Variants in SLC35F4 observed in about 807,000 individuals in gnomAD.
SLC35F4 encodes solute carrier family 35 member F4, also known as chromosome 14 open reading frame 36.
SLC35F4 carries 24 observed loss-of-function variants against 44.2 expected under a neutral mutation model. That is an observed-to-expected ratio of 0.54 (90% CI 0.39 to 0.76). The LOEUF is 0.76. Among genes scored for constraint, SLC35F4 ranks in the 30% least tolerant of loss-of-function variants. The pLI is 0.00. For synonymous variants in SLC35F4, 238 were observed against 223.6 expected, an observed-to-expected ratio of 1.06 and a Z score of -0.57; for missense variants, 562 against 586.1, an observed-to-expected ratio of 0.96 and a Z score of 0.42.
chr14:57,707,897 GAACT>G (rs2075718130), intron 1 of SLC35F4, among the ~76,000 whole-genome samples: 1 of 152,128 alleles, frequency 6.6e-6, no homozygotes, highest in Non-Finnish European at 1.5e-5. Flanking sequence ...GGTGTAGGCC[GAACT>G]AACTTTAGGT....
In SLC35F4 at chr14:57,859,796, C is replaced by T. The variant is rs556061722; in HGVS notation, c.103+5927G>A. Reference sequence around the variant, plus strand: ...CAGGATTCATTAACTGATTATAGGGCAAGGGGAAAGGGCAGAAGCTGAGGA... The same window carrying T: ...CAGGATTCATTAACTGATTATAGGGTAAGGGGAAAGGGCAGAAGCTGAGGA... On this transcript the variant is annotated intron_variant, in intron 1 of 7. Coordinates refer to ENST00000556826, the MANE Select transcript of SLC35F4 (RefSeq NM_001306087.2). Among the ~76,000 whole-genome samples, 3 of 152,120 alleles carry T rather than the reference C, an allele frequency of 2.0e-5. No homozygotes were observed. In the South Asian group the frequency reaches 6.2e-4, roughly 32 times the overall value.
intron 1 of SLC35F4, among the ~76,000 whole-genome samples, chr14:57,648,078 AT>A (rs2073620072): frequency 6.6e-6 from 1 of 152,168 alleles, no homozygotes. Context: ...TCTAGCTCTG[AT>A]TTTACTGTGA....
chr14:57,677,391 C>T (rs1290858704), intron 1 of SLC35F4, among the ~76,000 whole-genome samples: 1 of 149,534 alleles, frequency 6.7e-6, no homozygotes, highest in Admixed American at 6.7e-5. Flanking sequence ...ACCTTCTTTA[C>T]CCCCAAAACT....
chr14:57,831,187 T>A (rs1884335709), intron 1 of SLC35F4, among the ~76,000 whole-genome samples: 1 of 152,178 alleles, frequency 6.6e-6, no homozygotes, highest in African/African-American at 2.4e-5. Context: ...TTCTTACAGA[T>A]GCCAAGTTCT....
intron 1 of SLC35F4, among the ~76,000 whole-genome samples, chr14:57,777,305 C>G (rs1330264124): frequency 6.6e-6 from 1 of 152,172 alleles, no homozygotes; most frequent in Non-Finnish European, 1.5e-5. Context: ...ATAAAACATG[C>G]TACTATAAAG....
At chr14:57,607,415 A>G (rs2071226047) in intron 1 of SLC35F4, among the ~76,000 whole-genome samples, 2 of 152,202 alleles carry the variant, frequency 1.3e-5, no homozygotes, top group African/African-American at 4.8e-5. Context: ...GCCTCTGGGG[A>G]CATAAGCTAA....
At chr14:57,899,189 G>A (rs1431244971) in intron 1 of SLC35F4, among the ~76,000 whole-genome samples, 1 of 152,150 alleles carries the variant, frequency 6.6e-6, no homozygotes, top group Non-Finnish European at 1.5e-5. Context: ...CTGTCTACCT[G>A]CCATTGCCAC....
chr14:57,894,445 C>G (rs1226148179), intron 1 of SLC35F4, among the ~76,000 whole-genome samples: 2 of 151,996 alleles, frequency 1.3e-5, no homozygotes, highest in Non-Finnish European at 2.9e-5. Flanking sequence ...ACATGATAAC[C>G]TTTGAAAGAG....
chr14:57,709,551 A>G (rs1411582891), intron 1 of SLC35F4, among the ~76,000 whole-genome samples: 1 of 152,110 alleles, frequency 6.6e-6, no homozygotes, highest in Non-Finnish European at 1.5e-5. Context: ...ATATTTTATT[A>G]TACTGGAACA....
At chr14:57,952,113 T>G (rs1890152173) in intron 1 of SLC35F4, among the ~76,000 whole-genome samples, 1 of 152,214 alleles carries the variant, frequency 6.6e-6, no homozygotes, top group Admixed American at 6.5e-5. Context: ...TTTGCTGTTT[T>G]GCAGCCTTCG....
At chr14:57,732,084 A>G (rs887960445) in intron 1 of SLC35F4, among the ~76,000 whole-genome samples, 9 of 152,206 alleles carry the variant, frequency 5.9e-5, no homozygotes, top group Non-Finnish European at 1.0e-4. Context: ...TCAACATGAA[A>G]GGTCTCATAT....
Position 57,754,155 on chromosome 14 carries a change from T to A in SLC35F4, c.103+111568A>T, listed in dbSNP as rs957136480. 5.6e-5 allele frequency among the ~76,000 whole-genome samples: 8 copies of A among 142,534 alleles called. No individual in the cohort carries two copies. In the Admixed American group the frequency reaches 6.1e-4, roughly 11 times the overall value. 93.5% of individuals were successfully genotyped at this position (142,534 alleles called of 152,430 possible). The stretch of plus-strand genomic sequence containing the variant: ...TCTCAGTCTGTCACCCAGGCTGGAG[T>A]GCAGTGTGCGTGATCTCGGCTCGCT... On this transcript the variant is annotated intron_variant, in intron 1 of 7. Transcript: ENST00000556826.
At chr14:57,662,847 A>G in intron 1 of SLC35F4, among the ~76,000 whole-genome samples, 1 of 152,100 alleles carries the variant, frequency 6.6e-6, no homozygotes, top group East Asian at 1.9e-4. Flanking sequence ...CACCGAATGA[A>G]CTGTACTTAT....
At chr14:57,829,800 T>A (rs534207967) in intron 1 of SLC35F4, among the ~76,000 whole-genome samples, 1 of 152,186 alleles carries the variant, frequency 6.6e-6, no homozygotes, top group East Asian at 1.9e-4. Context: ...CAGATAAAAA[T>A]TCCAATATTT....
At chr14:57,649,507 A>G (rs2140193618) in intron 1 of SLC35F4, among the ~76,000 whole-genome samples, 1 of 152,278 alleles carries the variant, frequency 6.6e-6, no homozygotes, top group South Asian at 2.1e-4. Context: ...GGGCACATGC[A>G]GATAATCTGG....
chr14:57,680,238 T>C (rs1160991745), intron 1 of SLC35F4, among the ~76,000 whole-genome samples: 2 of 152,092 alleles, frequency 1.3e-5, no homozygotes, highest in Non-Finnish European at 2.9e-5. Flanking sequence ...TCAATAAACA[T>C]AAACCATCAC....
At chr14:57,573,274 T>G (rs1028636977) in intron 4 of SLC35F4, among the ~76,000 whole-genome samples, 3 of 152,188 alleles carry the variant, frequency 2.0e-5, no homozygotes, top group African/African-American at 7.2e-5. Context: ...AAGGGCCCAC[T>G]TGGTTTCAGA....
At chr14:57,633,884 C>A (rs2072904235) in intron 1 of SLC35F4, among the ~76,000 whole-genome samples, 1 of 151,964 alleles carries the variant, frequency 6.6e-6, no homozygotes, top group Non-Finnish European at 1.5e-5. Flanking sequence ...AGTGGTATTC[C>A]ATAGTATGAA....
intron 1 of SLC35F4, among the ~76,000 whole-genome samples, chr14:57,834,984 G>A (rs994043680): frequency 7.2e-5 from 11 of 152,138 alleles, no homozygotes; most frequent in East Asian, 1.9e-4. Flanking sequence ...GGCCGAGATC[G>A]CACCACTGCA....
Sources: allele counts gnomAD v4.1 joint callset (sites outside exome capture counted in the v4.1 genomes callset), GRCh38; gene constraint gnomAD v4.1.1; transcripts MANE v1.5; gene names NCBI Gene and HGNC (gene_info 2026-07-23, HGNC 2026-07-21).